The following PTPRG variants were observed in gnomAD, a reference collection of about 807,000 sequenced individuals.
The protein encoded by PTPRG is protein tyrosine phosphatase receptor type G.
Under a neutral mutation model 165.3 loss-of-function variants are expected in PTPRG, and 102 were observed. The ratio of observed to expected loss-of-function variants is 0.62; its 90% confidence interval spans 0.53 to 0.73. The LOEUF is 0.73. Among genes scored for constraint, PTPRG ranks in the 30% least tolerant of loss-of-function variants. PTPRG has a pLI of 0.00. For synonymous variants in PTPRG, 675 were observed against 669.5 expected, an observed-to-expected ratio of 1.01 and a Z score of -0.13; for missense variants, 1,866 against 1,861.4, an observed-to-expected ratio of 1.00 and a Z score of -0.05.
chr3:61,579,453 G>C (rs563353776), intron 1 of PTPRG, among the ~76,000 whole-genome samples: 1 of 152,176 alleles, frequency 6.6e-6, no homozygotes, highest in Non-Finnish European at 1.5e-5. Flanking sequence ...CATTTTTTGA[G>C]CACCTACTGT....
chr3:61,822,659 A>G (rs1321514105), intron 2 of PTPRG, among the ~76,000 whole-genome samples: 1 of 152,198 alleles, frequency 6.6e-6, no homozygotes, highest in African/African-American at 2.4e-5. Context: ...CTCATAGCCT[A>G]GAGATTTTCT....
intron 4 of PTPRG, among the ~76,000 whole-genome samples, chr3:62,045,968 A>G (rs1324403456): frequency 2.0e-5 from 3 of 152,212 alleles, no homozygotes; most frequent in African/African-American, 7.2e-5. Context: ...GGGCATCATG[A>G]TCTAGATTCA....
At chr3:62,088,704 C>CT (rs1701833175) in intron 5 of PTPRG, among the ~76,000 whole-genome samples, 1 of 152,168 alleles carries the variant, frequency 6.6e-6, no homozygotes, top group African/African-American at 2.4e-5. Flanking sequence ...TGTACAAATG[C>CT]TTTTGAACTT....
chr3:61,987,480 G>C (rs2040789486), intron 2 of PTPRG, among the ~76,000 whole-genome samples: 1 of 152,130 alleles, frequency 6.6e-6, no homozygotes, highest in Non-Finnish European at 1.5e-5. Context: ...AGTAGTAGGA[G>C]GAGAATTATC....
At chr3:61,846,609 C>T (rs568034437) in intron 2 of PTPRG, among the ~76,000 whole-genome samples, 1 of 152,082 alleles carries the variant, frequency 6.6e-6, no homozygotes, top group African/African-American at 2.4e-5. Context: ...TTGGTAAAAG[C>T]ACAGTGAAAG....
chr3:62,178,191 G>A (rs576050426), intron 8 of PTPRG, among the ~76,000 whole-genome samples: 1 of 145,214 alleles, frequency 6.9e-6, no homozygotes, highest in African/African-American at 2.5e-5. Flanking sequence ...GGATGCACAT[G>A]TGGATCCATG....
At chr3:61,578,666 C>T (rs1700218558) in intron 1 of PTPRG, among the ~76,000 whole-genome samples, 1 of 152,204 alleles carries the variant, frequency 6.6e-6, no homozygotes, top group African/African-American at 2.4e-5. Flanking sequence ...ACAGGACATA[C>T]CCATCTGAGA....
rs1246594955 is a variant in PTPRG at position 62,203,728 on chromosome 3, G to C, written c.1933G>C (p.Glu645Gln). The change falls in exon 12 of 30, where the codon GAG becomes CAG. Residue 645 changes from glutamate to glutamine, a missense_variant. Glu to Gln is a conservative substitution (Grantham distance 29, BLOSUM62 2). Coordinates refer to ENST00000474889, the MANE Select transcript of PTPRG (RefSeq NM_002841.4). This position sits in a 1 kb window ranked among gnomAD's most constrained non-coding sequence, Gnocchi z 6.4. ...EGGHQTIPGH[E>Q]QDHTAVPTDQ... ...AGGGCATCAGACTATACCTGGGCAT[G>C]AGCAGGATCACACTGCCGTCCCCAC... 1.3e-6 allele frequency: 2 copies of C among 1,594,336 alleles called. No individual in the cohort carries two copies. The highest frequency in any genetic ancestry group is 4.5e-5 in the East Asian group (2 of 44,158).
intron 2 of PTPRG, among the ~76,000 whole-genome samples, chr3:61,808,232 G>A (rs72880446): frequency 6.6e-6 from 1 of 152,206 alleles, no homozygotes; most frequent in Admixed American, 6.5e-5. Flanking sequence ...ACTAAAGCCA[G>A]AAACTAGGAG....
At chr3:61,740,811 A>G (rs2032949772) in intron 1 of PTPRG, among the ~76,000 whole-genome samples, 2 of 152,220 alleles carry the variant, frequency 1.3e-5, no homozygotes, top group Non-Finnish European at 2.9e-5. Context: ...AAAACTTTTT[A>G]TAGTTGAAAC....
intron 2 of PTPRG, among the ~76,000 whole-genome samples, chr3:61,863,239 TCTC>T (rs2037321274): frequency 6.6e-6 from 1 of 152,202 alleles, no homozygotes; most frequent in African/African-American, 2.4e-5. Flanking sequence ...GACAGTGAAA[TCTC>T]CTTTCTTCAC....
intron 1 of PTPRG, among the ~76,000 whole-genome samples, chr3:61,688,929 A>G (rs571363012): frequency 6.6e-6 from 1 of 152,302 alleles, no homozygotes; most frequent in Admixed American, 6.5e-5. Context: ...CAGGGAAAAT[A>G]TCCTAACATG....
At chr3:61,934,003 A>C (rs375582084) in intron 2 of PTPRG, among the ~76,000 whole-genome samples, 1 of 152,180 alleles carries the variant, frequency 6.6e-6, no homozygotes, top group South Asian at 2.1e-4. Context: ...TCGCTCCTGC[A>C]CCTGTGTTTT....
chr3:62,168,241 C>T, intron 8 of PTPRG, 78 bp downstream of exon 8: 1 of 1,379,974 alleles, frequency 7.2e-7, no homozygotes, highest in Admixed American at 2.5e-5. Flanking sequence ...AATTCAAAGC[C>T]AGCCAGGAAT....
chr3:61,590,508 A>C (rs1361566810), intron 1 of PTPRG, among the ~76,000 whole-genome samples: 1 of 152,112 alleles, frequency 6.6e-6, no homozygotes, highest in Admixed American at 6.6e-5. Context: ...TGGGCAACAG[A>C]GCAAGACTCC....
At chr3:61,906,039 A>G (rs1355280813) in intron 2 of PTPRG, among the ~76,000 whole-genome samples, 1 of 152,166 alleles carries the variant, frequency 6.6e-6, no homozygotes, top group African/African-American at 2.4e-5. Context: ...TTTATATTTT[A>G]GGTTTTTTTA....
At chr3:62,103,459 C>T (rs547424472) in intron 5 of PTPRG, among the ~76,000 whole-genome samples, 92 of 152,288 alleles carry the variant, frequency 6.0e-4, no homozygotes, top group Middle Eastern at 3.4e-3. Flanking sequence ...CCTGGGATTC[C>T]GGTCTCACGG....
At chr3:61,884,582 C>G (rs186561022) in intron 2 of PTPRG, among the ~76,000 whole-genome samples, 2 of 152,242 alleles carry the variant, frequency 1.3e-5, no homozygotes, top group East Asian at 3.9e-4. Context: ...TGCTTGTTTT[C>G]GTAGGATGTT....
intron 2 of PTPRG, among the ~76,000 whole-genome samples, chr3:61,800,413 A>T (rs943529990): frequency 2.0e-5 from 3 of 151,920 alleles, no homozygotes; most frequent in Admixed American, 6.6e-5. Flanking sequence ...TAGTAGGTAC[A>T]AGAACTTGGA....
Sources: allele counts gnomAD v4.1 joint callset (sites outside exome capture counted in the v4.1 genomes callset), GRCh38; gene constraint gnomAD v4.1.1; non-coding constraint Gnocchi (gnomAD v3.1); transcripts MANE v1.5; gene names NCBI Gene and HGNC (gene_info 2026-07-23, HGNC 2026-07-21).